The following CSMD1 variants were observed in gnomAD, a reference collection of about 807,000 sequenced individuals.
The protein encoded by CSMD1 is CUB and sushi domain-containing protein 1.
A neutral mutation model predicts 417.5 loss-of-function variants in CSMD1; 213 were observed. The ratio of observed to expected loss-of-function variants is 0.51; its 90% CI spans 0.46 to 0.57. The LOEUF is 0.57. Among genes scored for constraint, CSMD1 ranks in the 20% least tolerant of loss-of-function variants. The probability of loss-of-function intolerance (pLI) is 0.00; values close to 1 mark genes in which losing one functional copy is unlikely to be tolerated. For missense variants in CSMD1, 6,923 were observed against 4,529.7 expected (o/e 1.53, Z -15.17); for synonymous variants, 2,862 against 1,736.8 (o/e 1.65, Z -16.11).
At chr8:3,878,256 T>A (rs1468842233) in intron 5 of CSMD1, among the ~76,000 whole-genome samples, 1 of 152,190 alleles carries the variant, frequency 6.6e-6, no homozygotes, top group East Asian at 1.9e-4. Context: ...TTAGATTATA[T>A]ACAATTTCCA....
chr8:3,471,456 T>C (rs1005264645), intron 11 of CSMD1, among the ~76,000 whole-genome samples: 1 of 152,166 alleles, frequency 6.6e-6, no homozygotes, highest in East Asian at 1.9e-4. Context: ...GGGCTTTCTA[T>C]ATATCAAGTT....
chr8:3,539,443 G>T (rs1798346500), intron 10 of CSMD1, among the ~76,000 whole-genome samples: 1 of 152,168 alleles, frequency 6.6e-6, no homozygotes, highest in South Asian at 2.1e-4. Flanking sequence ...CATGATGACA[G>T]TTGGGTTTAT....
At chr8:3,327,099 C>T (rs1047310109) in intron 23 of CSMD1, among the ~76,000 whole-genome samples, 11 of 151,816 alleles carry the variant, frequency 7.2e-5, no homozygotes, top group African/African-American at 2.7e-4. Context: ...CAGAGTCATC[C>T]TCCTGTCTCA....
chr8:3,782,904 A>G (rs1310082331), intron 5 of CSMD1, among the ~76,000 whole-genome samples: 1 of 152,224 alleles, frequency 6.6e-6, no homozygotes, highest in Admixed American at 6.5e-5. Flanking sequence ...AAATAAATAA[A>G]TAAATAAAAC....
intron 7 of CSMD1, among the ~76,000 whole-genome samples, chr8:3,673,753 C>T (rs187644727): frequency 6.6e-6 from 1 of 152,262 alleles, no homozygotes; most frequent in African/African-American, 2.4e-5. Context: ...TGGAGCTATT[C>T]CCTCAAGCAT....
chr8:3,874,711 A>T (rs893965967), intron 5 of CSMD1, among the ~76,000 whole-genome samples: 3 of 152,136 alleles, frequency 2.0e-5, no homozygotes, highest in African/African-American at 7.2e-5. Context: ...AACAAATGCG[A>T]CTGGCGCCCA....
intron 3 of CSMD1, among the ~76,000 whole-genome samples, chr8:4,041,603 A>C (rs1318156377): frequency 6.6e-6 from 1 of 152,164 alleles, no homozygotes; most frequent in Non-Finnish European, 1.5e-5. Flanking sequence ...ATCAAAAAGT[A>C]ATAAGCACGC....
rs532011618 is a variant in CSMD1 at position 4,182,334 on chromosome 8, A to G, written c.416-150235T>C. Among the ~76,000 whole-genome samples, 7 of 152,242 alleles carry G rather than the reference A, an allele frequency of 4.6e-5. No individual in the cohort carries two copies. In the South Asian group the frequency reaches 1.5e-3, roughly 32 times the overall value. On this transcript the variant is annotated intron_variant, in intron 3 of 69. Coordinates refer to ENST00000635120, the MANE Select transcript of CSMD1 (RefSeq NM_033225.6). ...TTGGTTTCAGTAAATTTATTCTTGTAATCCCCAATACACCTTCCACATGCC... is the reference window on the plus strand; with the variant it reads ...TTGGTTTCAGTAAATTTATTCTTGTGATCCCCAATACACCTTCCACATGCC...
rs528226062 is a variant in CSMD1, at chr8:2,986,063, GGA to G, written c.8378-7265_8378-7264del. ...ATAGAAGAAGGAAGGAAGGAAGGAA[GGA>G]AAGAAGGGAGGGAGGGACTGATAAC... is the stretch of plus-strand genomic sequence containing the variant. On this transcript the variant is annotated intron_variant, in intron 54 of 69. Coordinates refer to ENST00000635120, the MANE Select transcript of CSMD1 (RefSeq NM_033225.6). Among the ~76,000 whole-genome samples, 73 of 142,798 alleles carry G rather than the reference GGA, an allele frequency of 5.1e-4. 3 individuals carry two copies. Among genetic ancestry groups the G allele is most frequent in the African/African-American group, 2.0e-3 (70 of 35,238 alleles). The allele number at this position is 142,798 out of a possible 152,430, so 93.7% of individuals were successfully genotyped here.
chr8:3,060,151 CTT>C (rs34354746), intron 49 of CSMD1, among the ~76,000 whole-genome samples: 2 of 140,100 alleles, frequency 1.4e-5, no homozygotes, highest in Non-Finnish European at 1.5e-5. Flanking sequence ...TTACTAACAA[CTT>C]TTTTTTTTTT....
chr8:3,392,448 G>C (rs1162225879), intron 17 of CSMD1, among the ~76,000 whole-genome samples: 1 of 151,984 alleles, frequency 6.6e-6, no homozygotes, highest in East Asian at 1.9e-4. Flanking sequence ...TGAAGGGGTT[G>C]GTAGCATTTT....
chr8:3,313,808 G>C (rs936049656), intron 23 of CSMD1, among the ~76,000 whole-genome samples: 1 of 152,138 alleles, frequency 6.6e-6, no homozygotes, highest in East Asian at 1.9e-4. Flanking sequence ...CTTCTATAAG[G>C]AAACATGCAC....
At chr8:4,134,277 C>T (rs13252359) in intron 3 of CSMD1, among the ~76,000 whole-genome samples, 1 of 151,990 alleles carries the variant, frequency 6.6e-6, no homozygotes, top group Non-Finnish European at 1.5e-5. Flanking sequence ...CAAAATGTGA[C>T]TGTATTTGAG....
intron 7 of CSMD1, among the ~76,000 whole-genome samples, chr8:3,660,772 C>A (rs963404356): frequency 6.6e-6 from 1 of 152,130 alleles, no homozygotes; most frequent in East Asian, 1.9e-4. Context: ...CCACACACCT[C>A]GGCCTCTCAA....
chr8:4,522,599 G>C (rs1446762116), intron 2 of CSMD1, among the ~76,000 whole-genome samples: 3 of 152,280 alleles, frequency 2.0e-5, no homozygotes, highest in South Asian at 4.1e-4. Flanking sequence ...TTTGATAAGA[G>C]ACAGAATTTA....
At chr8:4,891,057 T>G (rs369772717) in intron 1 of CSMD1, among the ~76,000 whole-genome samples, 1 of 152,080 alleles carries the variant, frequency 6.6e-6, no homozygotes, top group Non-Finnish European at 1.5e-5. Context: ...CATGCCCAAA[T>G]TAATAGTTAA....
chr8:3,866,368 T>G (rs185539619), intron 5 of CSMD1, among the ~76,000 whole-genome samples: 18 of 152,316 alleles, frequency 1.2e-4, no homozygotes, highest in Admixed American at 5.9e-4. Flanking sequence ...TACAGAACAT[T>G]CATGTATTTC....
chr8:3,506,348 G>C lies in CSMD1; in HGVS notation c.1345-12622C>G, dbSNP rs1000855320. On this transcript the variant is annotated intron_variant, in intron 10 of 69. Transcript: ENST00000635120. ...TCCAAAGAGACAAGGAGGCTTGCCG[G>C]AGTTTGCATGCTAACAAGAACACTG... is the stretch of plus-strand genomic sequence containing the variant. 3.9e-5 allele frequency among the ~76,000 whole-genome samples: 6 copies of C among 152,148 alleles called. No individual in the cohort carries two copies. In the East Asian group the frequency reaches 9.6e-4, roughly 24 times the overall value.
At chr8:4,744,950 C>T (rs1405227473) in intron 1 of CSMD1, among the ~76,000 whole-genome samples, 2 of 152,120 alleles carry the variant, frequency 1.3e-5, no homozygotes, top group African/African-American at 4.8e-5. Context: ...AATAGTTCTT[C>T]AACTATTTCA....
Sources: allele counts gnomAD v4.1 joint callset (sites outside exome capture counted in the v4.1 genomes callset), GRCh38; gene constraint gnomAD v4.1.1; transcripts MANE v1.5; gene names NCBI Gene and HGNC (gene_info 2026-07-23, HGNC 2026-07-21).